Variants in PPP2R3A observed in about 807,000 individuals in gnomAD.
PPP2R3A encodes the protein protein phosphatase 2 regulatory subunit B''alpha.
In PPP2R3A, 80 loss-of-function variants were observed where a neutral mutation model predicts 106.9. The ratio of observed to expected loss-of-function variants is 0.75; its 90% confidence interval spans 0.62 to 0.90. The LOEUF (loss-of-function observed/expected upper bound fraction) is 0.90, where lower values mean the gene tolerates loss of function less well. Among genes scored for constraint, PPP2R3A ranks in the 40% least tolerant of loss-of-function variants. PPP2R3A has a pLI of 0.00. For missense variants in PPP2R3A, 1,386 were observed against 1,350.4 expected (o/e 1.03, Z -0.41); for synonymous variants, 483 against 468.3 (o/e 1.03, Z -0.41).
intron 4 of PPP2R3A, among the ~76,000 whole-genome samples, chr3:136,043,709 A>G (rs896754060): frequency 1.4e-4 from 22 of 152,350 alleles, no homozygotes; most frequent in African/African-American, 5.3e-4. Context: ...CTCAAATGGA[A>G]TCAATAATAT....
chr3:135,991,758 A>C (rs1427276640), intron 1 of PPP2R3A, among the ~76,000 whole-genome samples: 1 of 152,234 alleles, frequency 6.6e-6, no homozygotes, highest in African/African-American at 2.4e-5. Flanking sequence ...CAAGTTACCC[A>C]GCTAGTCAGT....
At position 136,027,019 on chromosome 3, in the gene PPP2R3A, C is replaced by G; in HGVS notation, c.2183C>G (p.Thr728Ser). The G allele has an allele frequency of 6.2e-7, 1 of 1,612,664 alleles. No individual in the cohort carries two copies. The highest frequency in any genetic ancestry group is 8.5e-7 in the Non-Finnish European group (1 of 1,178,738). ...GATACCTGTAGTAATCATGAACAAA[C>G]TCTAAGCAGAATTGAAACTGCTTTC... ...LPDTCSNHEQ[T>S]LSRIETAFMD... Residue 728 changes from threonine (T) to serine (S), a missense_variant, in exon 3 of 14, where the codon ACT (threonine) becomes AGT (serine). Transcript: ENST00000264977.
Position 136,106,279 on chromosome 3 carries a change from A to G in PPP2R3A, c.3286A>G (p.Thr1096Ala). The change falls in exon 13 of 14, where the codon ACG (threonine) becomes GCG (alanine). Residue 1096 changes from threonine to alanine, a missense_variant. Coordinates refer to ENST00000264977, the MANE Select transcript of PPP2R3A (RefSeq NM_002718.5). ...WDRFAAEEYE[T>A]LVAEESAQAQ... ...CCGGTTTGCCGCTGAGGAGTATGAG[A>G]CGCTTGTTGCAGAGGAATCTGCCCA... 1.2e-6 allele frequency: 2 copies of G among 1,613,866 alleles called. No homozygotes were observed. The highest frequency in any genetic ancestry group is 1.7e-4 in the Middle Eastern group (1 of 6,060).
At chr3:136,092,694 T>C (rs1400443122) in intron 10 of PPP2R3A, among the ~76,000 whole-genome samples, 1 of 152,096 alleles carries the variant, frequency 6.6e-6, no homozygotes, top group African/African-American at 2.4e-5. Context: ...CAAAATTGAA[T>C]TGAGAGTTCA....
At chr3:136,082,156 C>T in intron 7 of PPP2R3A, 109 bp from the exon 8 acceptor site, 1 of 900,304 alleles carries the variant, frequency 1.1e-6, no homozygotes, top group Non-Finnish European at 1.7e-6. Flanking sequence ...TGATTTGGTA[C>T]CAGAAAAAAA....
chr3:136,080,549 A>G (rs1936750307), intron 7 of PPP2R3A, among the ~76,000 whole-genome samples: 1 of 152,186 alleles, frequency 6.6e-6, no homozygotes, highest in Admixed American at 6.5e-5. Flanking sequence ...GCTTCTAAAT[A>G]TGTGCTTTAT....
chr3:135,981,737 A>G lies in PPP2R3A; in HGVS notation c.-441+15888A>G, dbSNP rs1053687831. Among the ~76,000 whole-genome samples, 8 of 151,760 alleles carry G rather than the reference A, an allele frequency of 5.3e-5. 1 individual carries two copies. The highest frequency in any genetic ancestry group is 1.9e-4 in the African/African-American group (8 of 41,058). The stretch of plus-strand genomic sequence containing the variant: ...AAGCCAAGAACTCATAAGTTTTATG[A>G]AGACATTAAACTACATAATAGGGCA... On this transcript the variant is annotated intron_variant, in intron 1 of 13. Transcript: ENST00000264977.
intron 5 of PPP2R3A, among the ~76,000 whole-genome samples, chr3:136,065,643 A>G (rs2107897983): frequency 6.6e-6 from 1 of 152,338 alleles, no homozygotes. Flanking sequence ...ACAGCTGACT[A>G]ATTTGATTAA....
intron 8 of PPP2R3A, among the ~76,000 whole-genome samples, chr3:136,087,273 C>CTG (rs1336985662): frequency 6.7e-6 from 1 of 148,790 alleles, no homozygotes; most frequent in Non-Finnish European, 1.5e-5. Flanking sequence ...CTCTCTCTCT[C>CTG]TCTCTCTCTC....
At chr3:136,013,174 GTGTGTGTGTATGTA>G (rs1326598570) in intron 2 of PPP2R3A, among the ~76,000 whole-genome samples, 1 of 122,714 alleles carries the variant, frequency 8.1e-6, no homozygotes, top group Non-Finnish European at 1.8e-5. Flanking sequence ...GTGTGTGTGT[GTGTGTGTGTATGTA>G]TGTATGTATG....
chr3:136,047,918 AG>A (rs1057097646), intron 4 of PPP2R3A, among the ~76,000 whole-genome samples: 1 of 152,124 alleles, frequency 6.6e-6, no homozygotes, highest in African/African-American at 2.4e-5. Flanking sequence ...AAAAAAAAAA[AG>A]ATGAGAACAG....
At chr3:136,081,002 T>C (rs1391767669) in intron 7 of PPP2R3A, among the ~76,000 whole-genome samples, 1 of 150,318 alleles carries the variant, frequency 6.7e-6, no homozygotes, top group East Asian at 1.9e-4. Flanking sequence ...TTTTTCTTTT[T>C]TTTTTCTTTG....
At chr3:136,137,141 G>C (rs1938652026) in intron 13 of PPP2R3A, among the ~76,000 whole-genome samples, 2 of 152,150 alleles carry the variant, frequency 1.3e-5, no homozygotes, top group Non-Finnish European at 1.5e-5. Context: ...ATGCAATGGA[G>C]TACATTAAAA....
At chr3:135,989,292 CA>C (rs1162392840) in intron 1 of PPP2R3A, among the ~76,000 whole-genome samples, 1 of 152,080 alleles carries the variant, frequency 6.6e-6, no homozygotes, top group Non-Finnish European at 1.5e-5. Flanking sequence ...GAGAAAGGCT[CA>C]GTACACCTTC....
At chr3:136,041,012 C>G in intron 4 of PPP2R3A, 50 bp downstream of exon 4, 2 of 1,481,676 alleles carry the variant, frequency 1.3e-6, no homozygotes, top group Non-Finnish European at 9.3e-7. Context: ...TTGTGTGACC[C>G]TCATGACATG....
chr3:136,133,730 T>C (rs1396202560), intron 13 of PPP2R3A, among the ~76,000 whole-genome samples: 2 of 151,482 alleles, frequency 1.3e-5, no homozygotes, highest in African/African-American at 4.8e-5. Context: ...TAAAGCAAAA[T>C]ACATCTTTTC....
chr3:136,044,347 G>T (rs1935398278), intron 4 of PPP2R3A, among the ~76,000 whole-genome samples: 3 of 152,058 alleles, frequency 2.0e-5, no homozygotes, highest in African/African-American at 7.2e-5. Flanking sequence ...CAGGTATTGT[G>T]TCTGGTCTTG....
At chr3:136,065,699 G>A (rs1936243489) in intron 5 of PPP2R3A, among the ~76,000 whole-genome samples, 1 of 152,196 alleles carries the variant, frequency 6.6e-6, no homozygotes, top group Middle Eastern at 3.4e-3. Flanking sequence ...AAATAACAAG[G>A]AGGATCTCGC....
chr3:136,007,353 G>A (rs566209272), intron 2 of PPP2R3A, among the ~76,000 whole-genome samples: 1 of 152,316 alleles, frequency 6.6e-6, no homozygotes, highest in East Asian at 1.9e-4. Flanking sequence ...CCTTGCCTGA[G>A]GGCCATCCCT....
Sources: allele counts gnomAD v4.1 joint callset (sites outside exome capture counted in the v4.1 genomes callset), GRCh38; gene constraint gnomAD v4.1.1; transcripts MANE v1.5; gene names NCBI Gene and HGNC (gene_info 2026-07-23, HGNC 2026-07-21).